Variants in PPP4R4 observed in about 807,000 individuals in gnomAD.
PPP4R4 encodes the protein protein phosphatase 4 regulatory subunit 4, also known as serine/threonine-protein phosphatase 4 regulatory subunit 4.
PPP4R4 carries 70 observed loss-of-function variants against 121.8 expected under a neutral mutation model. The observed-to-expected ratio is 0.57, with a 90% CI of 0.47 to 0.70. The LOEUF is 0.70. PPP4R4 is among the 30% of genes least tolerant of loss of function. The pLI, the probability that PPP4R4 is intolerant of heterozygous loss-of-function variation, is 0.00. For missense variants in PPP4R4, 875 were observed against 1,033.6 expected (o/e 0.85, Z 2.10); for synonymous variants, 348 against 355.7 (o/e 0.98, Z 0.24).
intron 3 of PPP4R4, among the ~76,000 whole-genome samples, chr14:94,220,928 G>T (rs1347266030): frequency 2.6e-5 from 4 of 152,078 alleles, no homozygotes; most frequent in Admixed American, 1.3e-4. Flanking sequence ...ACCTAGAATA[G>T]CCAAAACAAC....
Position 94,271,422 on chromosome 14 carries a change from A to G in PPP4R4, c.2450-3952A>G, listed in dbSNP as rs114735427. Among the ~76,000 whole-genome samples, 654 of 152,314 alleles carry G rather than the reference A, an allele frequency of 4.3e-3. 4 individuals are homozygous for G. Among genetic ancestry groups the G allele is most frequent in the African/African-American group, 0.015 (624 of 41,580 alleles). On this transcript the variant is annotated intron_variant, in intron 23 of 24. Transcript: ENST00000304338. ...GCCAAGGAAGAAAAATCACATGATCATGGTAATACATGAAGAAAAGACATT... is the reference window on the plus strand; with the variant it reads ...GCCAAGGAAGAAAAATCACATGATCGTGGTAATACATGAAGAAAAGACATT...
intron 3 of PPP4R4, among the ~76,000 whole-genome samples, chr14:94,215,388 T>C (rs1424710151): frequency 6.6e-6 from 1 of 152,200 alleles, no homozygotes; most frequent in African/African-American, 2.4e-5. Flanking sequence ...CTTTCTTCTT[T>C]GGTTTGCAGC....
chr14:94,249,602 G>A (rs749455730), intron 14 of PPP4R4, among the ~76,000 whole-genome samples: 3 of 152,130 alleles, frequency 2.0e-5, no homozygotes, highest in Non-Finnish European at 4.4e-5. Context: ...TAGAATTAAG[G>A]TTCTGCCTAG....
At chr14:94,214,139 T>A (rs538919992) in intron 3 of PPP4R4, among the ~76,000 whole-genome samples, 3 of 152,260 alleles carry the variant, frequency 2.0e-5, no homozygotes, top group Admixed American at 6.5e-5. Flanking sequence ...GAACTTAACA[T>A]TTAGAGACAA....
rs773073984 is a variant in PPP4R4 at position 94,275,385 on chromosome 14, C to T, written c.2461C>T (p.Arg821Trp). The change falls in exon 24 of 25, where the codon CGG (arginine) becomes TGG (tryptophan). Residue 821 changes from arginine (R) to tryptophan (W), a missense_variant. By Grantham distance (101) the Arg-to-Trp change is moderately radical. Coordinates refer to ENST00000304338, the MANE Select transcript of PPP4R4 (RefSeq NM_058237.2). ...SVLSLADDSF[R>W]TRNASSVPSS... The stretch of plus-strand genomic sequence containing the variant: ...TGTATTGCTTTCAGATGATTCATTC[C>T]GGACTCGTAATGCCAGTAGCGTTCC... The T allele has an allele frequency of 5.8e-5, 93 of 1,613,674 alleles. 1 individual carries two copies. The South Asian group carries it at 5.8e-4, about 10-fold the overall frequency.
intron 23 of PPP4R4, among the ~76,000 whole-genome samples, chr14:94,267,534 A>G (rs1040197821): frequency 6.6e-6 from 1 of 152,214 alleles, no homozygotes; most frequent in Non-Finnish European, 1.5e-5. Context: ...TACATAATGA[A>G]TAGATATGGC....
intron 2 of PPP4R4, among the ~76,000 whole-genome samples, chr14:94,206,541 G>T (rs1248428173): frequency 2.0e-5 from 3 of 151,206 alleles, no homozygotes; most frequent in East Asian, 3.9e-4. Context: ...TCTTTTTCTT[G>T]CCTTCCTGTG....
At chr14:94,202,854 G>A (rs1313474990) in intron 2 of PPP4R4, among the ~76,000 whole-genome samples, 1 of 151,716 alleles carries the variant, frequency 6.6e-6, no homozygotes, top group African/African-American at 2.4e-5. Flanking sequence ...GTGGTGGCAC[G>A]TGCCTGTAAT....
chr14:94,227,178 A>T (rs938095502), intron 3 of PPP4R4: 65 of 823,662 alleles, frequency 7.9e-5, no homozygotes, highest in Admixed American at 3.6e-4. Context: ...ATTTTTGAGG[A>T]ATTCAAGTTG....
intron 3 of PPP4R4, among the ~76,000 whole-genome samples, chr14:94,216,450 A>G (rs4905171): frequency 0.55 from 83,009 of 152,178 alleles, 25,255 homozygotes; most frequent in African/African-American, 0.82. Context: ...GTGAATGTGC[A>G]CTCGCACAGT....
intron 3 of PPP4R4, among the ~76,000 whole-genome samples, chr14:94,225,977 A>G (rs1340263211): frequency 2.0e-5 from 3 of 152,154 alleles, no homozygotes; most frequent in Non-Finnish European, 4.4e-5. Flanking sequence ...AAATATTGCT[A>G]TAGTGAATCA....
rs1893612943 is a variant in PPP4R4 at position 94,258,786 on chromosome 14, G to A, written c.2014G>A (p.Val672Ile). 1.3e-6 allele frequency: 2 copies of A among 1,571,026 alleles called. No homozygotes were observed. The highest frequency in any genetic ancestry group is 4.5e-5 in the East Asian group (2 of 44,642). The change falls in exon 18 of 25, where the codon GTA becomes ATA. Residue 672 changes from valine to isoleucine, a missense_variant. Val to Ile is a conservative substitution (Grantham distance 29). Transcript: ENST00000304338. ...KDVLAIVKRT[V>I]LELDRMEMSM... ...ATTTTAAAAACTTTCCTTATAGACT[G>A]TATTAGAGTTGGACAGAATGGAAAT...
chr14:94,180,615 T>A (rs1406783793), intron 2 of PPP4R4, among the ~76,000 whole-genome samples: 14 of 132,088 alleles, frequency 1.1e-4, no homozygotes, highest in Non-Finnish European at 3.1e-5. Context: ...TTTTTTTTTC[T>A]TTTTTCTTTT....
chr14:94,212,359 G>A (rs1338655958), intron 3 of PPP4R4, among the ~76,000 whole-genome samples: 1 of 152,102 alleles, frequency 6.6e-6, no homozygotes, highest in African/African-American at 2.4e-5. Context: ...TCAGATTGAG[G>A]TTGCTGTCTA....
rs1595497592 is a variant in PPP4R4, at chr14:94,227,136, A to G, written c.295-3451A>G. ...AATGGGTACAGTTTTTAAAACTTGG[A>G]AACGTGCCATTAACTCTTAATGTCT... On this transcript the variant is annotated intron_variant, in intron 3 of 24. Coordinates refer to ENST00000304338, the MANE Select transcript of PPP4R4 (RefSeq NM_058237.2). 3 of 620,602 alleles carry G rather than the reference A, an allele frequency of 4.8e-6. No individual in the cohort carries two copies. In the Admixed American group the frequency reaches 1.0e-4, roughly 21 times the overall value. The allele number at this position is 620,602 out of a possible 1,614,324, so 38.4% of individuals were successfully genotyped here. A position where few individuals can be genotyped will look rare whatever the true frequency, so the allele number is the denominator to read the frequency against.
At chr14:94,187,236 G>A (rs970801012) in intron 2 of PPP4R4, among the ~76,000 whole-genome samples, 1 of 151,998 alleles carries the variant, frequency 6.6e-6, no homozygotes. Context: ...TGCCCCGGAG[G>A]CAGAGGTTGC....
At chr14:94,245,480 TG>T (rs913435231) in intron 12 of PPP4R4, 106 bp from the exon 13 acceptor site, 11 of 525,788 alleles carry the variant, frequency 2.1e-5, no homozygotes, top group Admixed American at 1.5e-4. Context: ...AAATGTTATT[TG>T]GGGGAAAAAA....
chr14:94,207,388 G>A (rs916501507), intron 2 of PPP4R4, among the ~76,000 whole-genome samples: 7 of 151,906 alleles, frequency 4.6e-5, no homozygotes, highest in Non-Finnish European at 8.8e-5. Flanking sequence ...ATAGCTTACC[G>A]TATAGCAACA....
chr14:94,247,343 G>A (rs1011218189), intron 14 of PPP4R4, among the ~76,000 whole-genome samples: 4 of 152,214 alleles, frequency 2.6e-5, no homozygotes, highest in Non-Finnish European at 5.9e-5. Context: ...CAAGCTGGGT[G>A]GGCCCCACAC....
Sources: gnomAD v4.1 joint callset for allele counts (sites outside exome capture counted in the v4.1 genomes callset) on GRCh38, gnomAD v4.1.1 for gene constraint, MANE v1.5 for transcripts, NCBI Gene and HGNC (gene_info 2026-07-23, HGNC 2026-07-21) for gene names.